The following RUNX1T1 variants were observed in gnomAD, a reference collection of about 807,000 sequenced individuals.
The protein encoded by RUNX1T1 is RUNX1 partner transcriptional co-repressor 1.
RUNX1T1 carries 4 observed loss-of-function variants against 62.8 expected under a neutral mutation model. The observed-to-expected ratio is 0.06, with a 90% CI of 0.03 to 0.15. The LOEUF (loss-of-function observed/expected upper bound fraction) is 0.15. Among genes scored for constraint, RUNX1T1 ranks in the 10% least tolerant of loss-of-function variants. The pLI is 1.00. For missense variants in RUNX1T1, 508 were observed against 754.3 expected (o/e 0.67, Z 3.82); for synonymous variants, 291 against 286.0 (o/e 1.02, Z -0.18).
intron 1 of RUNX1T1, among the ~76,000 whole-genome samples, chr8:92,076,554 T>C (rs922870047): frequency 2.6e-5 from 4 of 152,142 alleles, no homozygotes; most frequent in African/African-American, 9.6e-5. Context: ...CACAAGTTAA[T>C]CCTGTTTCAA....
In RUNX1T1 at chr8:92,070,661, C is replaced by T. The variant is rs576063543; in HGVS notation, c.88+5304G>A. 5.9e-5 allele frequency among the ~76,000 whole-genome samples: 9 copies of T among 152,332 alleles called. No individual in the cohort carries two copies. The East Asian group carries it at 1.7e-3, about 29-fold the overall frequency. On this transcript the variant is annotated intron_variant, in intron 2 of 11. Transcript: ENST00000265814. ...TTAAAATAATTCCCACCAAAATCTT[C>T]CCTGCAAAGCCCAATCTCTATTCTT...
At chr8:91,974,630 G>A (rs1813532515) in intron 9 of RUNX1T1, among the ~76,000 whole-genome samples, 1 of 152,050 alleles carries the variant, frequency 6.6e-6, no homozygotes, top group Admixed American at 6.6e-5. Context: ...TCAGGTAGGT[G>A]GTACTTGGCA....
At chr8:91,983,743 C>T (rs1392229424) in intron 8 of RUNX1T1, among the ~76,000 whole-genome samples, 2 of 152,150 alleles carry the variant, frequency 1.3e-5, no homozygotes, top group Admixed American at 6.5e-5. Flanking sequence ...CATTCAACTC[C>T]AAAGCCTGGA....
At chr8:91,981,081 GA>G (rs1311651070) in intron 8 of RUNX1T1, among the ~76,000 whole-genome samples, 2 of 152,104 alleles carry the variant, frequency 1.3e-5, no homozygotes, top group Non-Finnish European at 2.9e-5. Flanking sequence ...TCATTATACA[GA>G]AATGCTTATG....
At chr8:92,076,197 A>C in intron 1 of RUNX1T1, 60 bp from the exon 2 acceptor site, 1 of 1,344,016 alleles carries the variant, frequency 7.4e-7, no homozygotes, top group Non-Finnish European at 9.7e-7. Context: ...GAAGTATCAT[A>C]CCCATCTGTT....
chr8:91,990,750 T>C (rs1817511868), intron 6 of RUNX1T1, among the ~76,000 whole-genome samples: 1 of 152,024 alleles, frequency 6.6e-6, no homozygotes, highest in Non-Finnish European at 1.5e-5. Context: ...CTCTGCTTCC[T>C]GGGCTCAAGC....
At chr8:92,056,672 G>A (rs1587366237) in intron 1 of RUNX1T1, among the ~76,000 whole-genome samples, 2 of 151,364 alleles carry the variant, frequency 1.3e-5, no homozygotes, top group Admixed American at 1.3e-4. Flanking sequence ...TCTTAAGAAT[G>A]TACTCATCTA....
intron 10 of RUNX1T1, among the ~76,000 whole-genome samples, chr8:91,965,903 G>T (rs1811498388): frequency 6.6e-6 from 1 of 151,874 alleles, no homozygotes; most frequent in Non-Finnish European, 1.5e-5. Context: ...TTTGTAAGGT[G>T]ACTTTTCTTT....
chr8:92,019,527 G>A (rs1325316542), intron 1 of RUNX1T1, among the ~76,000 whole-genome samples: 2 of 152,104 alleles, frequency 1.3e-5, no homozygotes, highest in Non-Finnish European at 1.5e-5. Flanking sequence ...GGGGGAGTAA[G>A]TTACCCTCAA....
chr8:91,977,618 T>C (rs1029333602), intron 8 of RUNX1T1, among the ~76,000 whole-genome samples: 1 of 152,138 alleles, frequency 6.6e-6, no homozygotes, highest in African/African-American at 2.4e-5. Flanking sequence ...ACTTATGACA[T>C]TAAAAGACAA....
intron 2 of RUNX1T1, among the ~76,000 whole-genome samples, chr8:92,016,913 T>A (rs1194530199): frequency 6.6e-6 from 1 of 152,166 alleles, no homozygotes; most frequent in East Asian, 1.9e-4. Flanking sequence ...CACATTAAGA[T>A]GAATTAGAAG....
At chr8:92,102,525 G>A (rs1173322723), upstream of RUNX1T1, among the ~76,000 whole-genome samples, 2 of 152,094 alleles carry the variant, frequency 1.3e-5, no homozygotes, top group African/African-American at 2.4e-5. This position sits in a 1 kb window ranked among gnomAD's most constrained non-coding sequence, Gnocchi z 4.5. Flanking sequence ...TTTGTCGGGG[G>A]AGAAACCCAC....
chr8:91,997,198 T>A (rs1023136842), intron 5 of RUNX1T1, among the ~76,000 whole-genome samples: 3 of 152,166 alleles, frequency 2.0e-5, no homozygotes, highest in African/African-American at 7.2e-5. Context: ...TTAGCTAGTG[T>A]GTGCTGGTAA....
At chr8:92,009,850 C>G (rs1226868300) in intron 4 of RUNX1T1, 3 of 151,934 alleles carry the variant, frequency 2.0e-5, no homozygotes, top group Non-Finnish European at 2.9e-5. Flanking sequence ...TAGAAAAGAA[C>G]GAAAAGAATA....
At chr8:91,976,330 C>T (rs1229424833) in intron 8 of RUNX1T1, among the ~76,000 whole-genome samples, 1 of 152,080 alleles carries the variant, frequency 6.6e-6, no homozygotes, top group Non-Finnish European at 1.5e-5. Flanking sequence ...GGTAGTTTTC[C>T]TTTCATGAGT....
chr8:92,050,394 G>C (rs1830048686), intron 1 of RUNX1T1, among the ~76,000 whole-genome samples: 1 of 152,120 alleles, frequency 6.6e-6, no homozygotes, highest in Non-Finnish European at 1.5e-5. Flanking sequence ...AATGTTCCTT[G>C]AAACTATCCC....
chr8:92,068,103 C>T (rs111266580), intron 2 of RUNX1T1, among the ~76,000 whole-genome samples: 1,739 of 151,826 alleles, frequency 0.011, 28 homozygotes, highest in African/African-American at 0.04. Flanking sequence ...ATGTTAACTG[C>T]TGTTTTTTTT....
At chr8:92,048,159 C>T (rs954050772) in intron 1 of RUNX1T1, among the ~76,000 whole-genome samples, 3 of 152,126 alleles carry the variant, frequency 2.0e-5, no homozygotes, top group Non-Finnish European at 2.9e-5. Flanking sequence ...TAAATGTAAA[C>T]ATTTACAACT....
At chr8:92,026,881 G>T (rs1215830667) in intron 1 of RUNX1T1, among the ~76,000 whole-genome samples, 1 of 151,234 alleles carries the variant, frequency 6.6e-6, no homozygotes, top group African/African-American at 2.4e-5. Context: ...ACTTTGGGAG[G>T]CCGAGACGGG....
Sources: allele counts gnomAD v4.1 joint callset (sites outside exome capture counted in the v4.1 genomes callset), GRCh38; gene constraint gnomAD v4.1.1; non-coding constraint Gnocchi (gnomAD v3.1); transcripts MANE v1.5; gene names NCBI Gene and HGNC (gene_info 2026-07-23, HGNC 2026-07-21).